COL24A1: variants seen among roughly 807,000 people sequenced by gnomAD.
The protein encoded by COL24A1 is collagen alpha-1(XXIV) chain.
COL24A1 carries 224 observed loss-of-function variants against 253.9 expected under a neutral mutation model. That is an observed-to-expected ratio of 0.88 (90% confidence interval 0.79 to 0.99). The LOEUF is 0.99. Ranked by LOEUF, COL24A1 falls within the 50% of genes least tolerant of loss-of-function variation. The probability of loss-of-function intolerance (pLI) is 0.00; values close to 1 mark genes in which losing one functional copy is unlikely to be tolerated. For missense variants in COL24A1, 2,131 were observed against 2,068.5 expected, an observed-to-expected ratio of 1.03 and a Z score of -0.59; for synonymous variants, 685 against 673.7, an observed-to-expected ratio of 1.02 and a Z score of -0.26.
intron 7 of COL24A1, among the ~76,000 whole-genome samples, chr1:86,075,250 A>AAT (rs1390320284): frequency 2.0e-5 from 3 of 152,204 alleles, no homozygotes; most frequent in Non-Finnish European, 4.4e-5. Flanking sequence ...ACCATCAGAG[A>AAT]ATACTATAAA....
intron 52 of COL24A1, among the ~76,000 whole-genome samples, chr1:85,778,120 T>A (rs1668774624): frequency 6.6e-6 from 1 of 152,090 alleles, no homozygotes; most frequent in Admixed American, 6.6e-5. Context: ...AGGTAGATAA[T>A]TTTTTATTTT....
At chr1:85,806,615 C>T (rs1366459880) in intron 47 of COL24A1, among the ~76,000 whole-genome samples, 2 of 152,148 alleles carry the variant, frequency 1.3e-5, no homozygotes, top group African/African-American at 4.8e-5. Context: ...CTTTCTACCA[C>T]TAAAAAAATG....
At chr1:85,994,794 A>G (rs982620562) in intron 19 of COL24A1, among the ~76,000 whole-genome samples, 20 of 152,202 alleles carry the variant, frequency 1.3e-4, no homozygotes, top group African/African-American at 4.8e-4. Flanking sequence ...TGAAGGAAAT[A>G]TTCTGTCTTC....
At chr1:85,814,764 G>T (rs1181450446) in intron 47 of COL24A1, among the ~76,000 whole-genome samples, 1 of 151,538 alleles carries the variant, frequency 6.6e-6, no homozygotes, top group African/African-American at 2.4e-5. Flanking sequence ...TAATGAACCA[G>T]TAAATGACTT....
chr1:85,820,200 T>A (rs989497960), intron 45 of COL24A1, among the ~76,000 whole-genome samples: 1 of 151,904 alleles, frequency 6.6e-6, no homozygotes, highest in African/African-American at 2.4e-5. Context: ...CCCAGATAAG[T>A]TTGGGGATCT....
intron 7 of COL24A1, among the ~76,000 whole-genome samples, chr1:86,073,954 A>T (rs111613152): frequency 1.3e-5 from 2 of 150,934 alleles, no homozygotes; most frequent in African/African-American, 4.8e-5. Flanking sequence ...CTGCCTTACA[A>T]GGAGGGAGCA....
intron 24 of COL24A1, among the ~76,000 whole-genome samples, chr1:85,920,757 C>T (rs533963664): frequency 7.9e-5 from 12 of 151,370 alleles, no homozygotes; most frequent in Middle Eastern, 3.4e-3. Flanking sequence ...GGAAAAGTGA[C>T]GAAGTAAGCC....
chr1:85,939,685 T>C (rs1270034317), intron 24 of COL24A1, among the ~76,000 whole-genome samples: 1 of 151,932 alleles, frequency 6.6e-6, no homozygotes, highest in South Asian at 2.1e-4. Context: ...TTTTTATAAG[T>C]TTTTTTTGGA....
At chr1:85,926,892 TAA>T (rs1332826744) in intron 24 of COL24A1, among the ~76,000 whole-genome samples, 1 of 151,688 alleles carries the variant, frequency 6.6e-6, no homozygotes, top group Non-Finnish European at 1.5e-5. Flanking sequence ...ATACAGAAAA[TAA>T]AAGTTTCAAG....
chr1:85,736,787 A>C (rs1482703704), intron 58 of COL24A1, among the ~76,000 whole-genome samples: 1 of 152,202 alleles, frequency 6.6e-6, no homozygotes, highest in East Asian at 1.9e-4. Flanking sequence ...TTTTGGTTTC[A>C]ATATATGTTA....
intron 53 of COL24A1, among the ~76,000 whole-genome samples, chr1:85,774,622 T>G (rs923928349): frequency 1.3e-5 from 2 of 152,158 alleles, no homozygotes; most frequent in African/African-American, 2.4e-5. Flanking sequence ...GTCCAGGAAT[T>G]TATCCATTTC....
At chr1:86,057,682 G>A (rs974077973) in intron 10 of COL24A1, among the ~76,000 whole-genome samples, 1 of 152,106 alleles carries the variant, frequency 6.6e-6, no homozygotes, top group South Asian at 2.1e-4. Context: ...AATGTTTACA[G>A]AGCACATTCT....
At chr1:85,800,301 T>G (rs1293133675) in intron 47 of COL24A1, among the ~76,000 whole-genome samples, 1 of 152,190 alleles carries the variant, frequency 6.6e-6, no homozygotes, top group Non-Finnish European at 1.5e-5. Context: ...ATTGAGTGGT[T>G]TGAATATCCT....
At chr1:85,968,422 A>C (rs774733957) in intron 22 of COL24A1, among the ~76,000 whole-genome samples, 10 of 152,116 alleles carry the variant, frequency 6.6e-5, no homozygotes, top group Non-Finnish European at 1.3e-4. Context: ...CTACACATAA[A>C]AGCTTTAGCC....
At chr1:85,771,077 T>C (rs1172345800) in intron 53 of COL24A1, among the ~76,000 whole-genome samples, 1 of 152,186 alleles carries the variant, frequency 6.6e-6, no homozygotes, top group East Asian at 1.9e-4. Context: ...TTATCAGATT[T>C]CACTGCAATC....
intron 13 of COL24A1, among the ~76,000 whole-genome samples, chr1:86,033,086 CA>C (rs1175458731): frequency 1.3e-5 from 2 of 152,034 alleles, no homozygotes; most frequent in Non-Finnish European, 2.9e-5. Context: ...TGCCTTGTAA[CA>C]AATGCAGTCT....
intron 55 of COL24A1, among the ~76,000 whole-genome samples, chr1:85,760,009 G>T (rs430956): frequency 3.3e-5 from 5 of 152,082 alleles, no homozygotes; most frequent in Non-Finnish European, 7.3e-5. Flanking sequence ...CAGGAGGAAA[G>T]GAAGAATAAA....
intron 3 of COL24A1, among the ~76,000 whole-genome samples, chr1:86,124,525 T>C (rs928264374): frequency 2.6e-5 from 4 of 152,002 alleles, no homozygotes; most frequent in African/African-American, 4.8e-5. Context: ...AAATATATTA[T>C]CTATATTTAG....
chr1:86,115,244 C>A, intron 4 of COL24A1, 81 bp downstream of exon 4: 1 of 1,407,052 alleles, frequency 7.1e-7, no homozygotes, highest in Non-Finnish European at 9.9e-7. Flanking sequence ...AAAGGAAGTA[C>A]ATACTGTACA....
Sources: allele counts gnomAD v4.1 joint callset (sites outside exome capture counted in the v4.1 genomes callset), GRCh38; gene constraint gnomAD v4.1.1; transcripts MANE v1.5; gene names NCBI Gene and HGNC (gene_info 2026-07-23, HGNC 2026-07-21).